GRK7: variants seen among roughly 807,000 people sequenced by gnomAD.
The protein encoded by GRK7 is rhodopsin kinase GRK7.
GRK7 carries 24 observed loss-of-function variants against 34.1 expected under a neutral mutation model. The observed-to-expected ratio is 0.70, with a 90% CI of 0.51 to 0.99. The LOEUF (loss-of-function observed/expected upper bound fraction) is 0.99, where lower values mean the gene tolerates loss of function less well. Among genes scored for constraint, GRK7 ranks in the 50% least tolerant of loss-of-function variants. The pLI is 0.00. For missense variants in GRK7, 644 were observed against 707.3 expected, an observed-to-expected ratio of 0.91 and a Z score of 1.02; for synonymous variants, 256 against 279.4, an observed-to-expected ratio of 0.92 and a Z score of 0.84.
chr3:141,775,643 A>C (rs1456449538), intron 2 of GRK7, among the ~76,000 whole-genome samples: 1 of 152,148 alleles, frequency 6.6e-6, no homozygotes, highest in Non-Finnish European at 1.5e-5. Context: ...TGTAATGTAC[A>C]AACCAGATTC....
At chr3:141,799,423 G>T (rs900489012) in intron 4 of GRK7, among the ~76,000 whole-genome samples, 1 of 152,100 alleles carries the variant, frequency 6.6e-6, no homozygotes, top group African/African-American at 2.4e-5. Flanking sequence ...GACCAGCCTA[G>T]CTAACATGGT....
chr3:141,782,867 G>A (rs1419995134), intron 4 of GRK7, among the ~76,000 whole-genome samples: 2 of 152,000 alleles, frequency 1.3e-5, no homozygotes, highest in Non-Finnish European at 2.9e-5. Flanking sequence ...CATAGGAGCT[G>A]TATCAGTTAG....
intron 1 of GRK7, among the ~76,000 whole-genome samples, chr3:141,769,064 A>C (rs965571995): frequency 5.9e-5 from 9 of 151,798 alleles, no homozygotes; most frequent in African/African-American, 2.2e-4. Context: ...ATGACTCCCA[A>C]ACATGCCTTT....
intron 4 of GRK7, among the ~76,000 whole-genome samples, chr3:141,801,184 G>C (rs1026964524): frequency 6.6e-6 from 1 of 151,992 alleles, no homozygotes; most frequent in African/African-American, 2.4e-5. Context: ...GGTGGCAGGT[G>C]CCTGTAGTCC....
the GRK7 span, among the ~76,000 whole-genome samples, chr3:141,750,247 C>A: frequency 6.6e-6 from 1 of 152,132 alleles, no homozygotes; most frequent in African/African-American, 2.4e-5. Context: ...TCAACCTGCT[C>A]CTTCATCTTA....
intron 3 of GRK7, among the ~76,000 whole-genome samples, chr3:141,780,133 G>A (rs576686977): frequency 1.6e-4 from 24 of 152,288 alleles, no homozygotes; most frequent in African/African-American, 5.8e-4. Flanking sequence ...TAAAGGTTTC[G>A]ATTTCTCCAC....
intron 4 of GRK7, among the ~76,000 whole-genome samples, chr3:141,798,466 C>T (rs1318455567): frequency 1.3e-5 from 2 of 152,180 alleles, no homozygotes; most frequent in African/African-American, 4.8e-5. Flanking sequence ...CACACACACA[C>T]ACCCACACAC....
intron 1 of GRK7, among the ~76,000 whole-genome samples, chr3:141,768,379 G>A (rs1437487411): frequency 6.6e-6 from 1 of 151,462 alleles, no homozygotes; most frequent in African/African-American, 2.4e-5. Context: ...CCGGGTTCCA[G>A]TGATTCTCCA....
chr3:141,786,756 T>C lies in GRK7; in HGVS notation c.1050+5945T>C, dbSNP rs558997833. On this transcript the variant is annotated intron_variant, in intron 4 of 5. Coordinates refer to ENST00000682958, the MANE Select transcript of GRK7 (RefSeq NM_139209.3). ...TCACGCCACTGCACTCCAGCCAGGG[T>C]GACAGAGTAAGACTCTCGGAAAAAA... is the stretch of plus-strand genomic sequence containing the variant. 1.0e-4 allele frequency among the ~76,000 whole-genome samples: 15 copies of C among 149,724 alleles called. 1 individual carries two copies. The highest frequency in any genetic ancestry group is 3.7e-4 in the African/African-American group (15 of 40,550).
intron 4 of GRK7, among the ~76,000 whole-genome samples, chr3:141,799,236 AAAG>A (rs1196579917): frequency 6.6e-6 from 1 of 152,206 alleles, no homozygotes; most frequent in Non-Finnish European, 1.5e-5. Flanking sequence ...ACAAGGGAGA[AAAG>A]AAATCCTGAA....
At chr3:141,806,908 T>A (rs79642213) in intron 4 of GRK7, among the ~76,000 whole-genome samples, 2,749 of 151,886 alleles carry the variant, frequency 0.018, 81 homozygotes, top group African/African-American at 0.063. Context: ...CAAGTATATA[T>A]AAATAGATAT....
At chr3:141,776,312 A>T (rs956810367) in intron 2 of GRK7, among the ~76,000 whole-genome samples, 10 of 151,752 alleles carry the variant, frequency 6.6e-5, no homozygotes, top group African/African-American at 2.2e-4. Context: ...AAAAATAAAA[A>T]ATATATATAA....
At chr3:141,756,992 T>C in the GRK7 span, among the ~76,000 whole-genome samples, 1 of 152,144 alleles carries the variant, frequency 6.6e-6, no homozygotes, top group Non-Finnish European at 1.5e-5. Context: ...ATCTCTCTTC[T>C]AGAATATTTT....
chr3:141,805,199 CCTGT>C (rs1711018375), intron 4 of GRK7, among the ~76,000 whole-genome samples: 1 of 152,184 alleles, frequency 6.6e-6, no homozygotes, highest in Non-Finnish European at 1.5e-5. Flanking sequence ...AACCTTCTGA[CCTGT>C]CTGTCTCTAC....
At chr3:141,769,682 C>G (rs1395009587) in intron 1 of GRK7, among the ~76,000 whole-genome samples, 1 of 152,188 alleles carries the variant, frequency 6.6e-6, no homozygotes, top group Admixed American at 6.5e-5. Context: ...CTCCCTTGCC[C>G]TCTGGCTTCT....
chr3:141,753,043 A>G, the GRK7 span, among the ~76,000 whole-genome samples: 3 of 152,196 alleles, frequency 2.0e-5, no homozygotes, highest in African/African-American at 7.2e-5. Context: ...AGTCTATGGC[A>G]TTTTGTTTGG....
chr3:141,778,763 A>ACGCTGGCCAAGGCTGAGGCCATG lies in GRK7; in HGVS notation c.479_480insCGCTGGCCAAGGCTGAGGCCATG (p.Glu160AspfsTer6). 2 of 1,608,678 alleles carry ACGCTGGCCAAGGCTGAGGCCATG rather than the reference A, an allele frequency of 1.2e-6. No individual in the cohort carries two copies. Among genetic ancestry groups the ACGCTGGCCAAGGCTGAGGCCATG allele is most frequent in the Admixed American group, 3.4e-5 (2 of 59,106 alleles). On this transcript the variant is annotated stop_gained and frameshift_variant, in exon 3 of 6. Transcript: ENST00000682958. LOFTEE classifies it high-confidence loss of function. This position sits in a 1 kb window ranked among gnomAD's most constrained non-coding sequence, Gnocchi z 4.1. ...GCTGAGGCCATGGCTTTCTTGCAAG[A>ACGCTGGCCAAGGCTGAGGCCATG]GCAGCCCTTTAAGGATTTCGTGACC...
chr3:141,811,952 T>C (rs1222758842), intron 5 of GRK7, among the ~76,000 whole-genome samples: 1 of 152,130 alleles, frequency 6.6e-6, no homozygotes, highest in African/African-American at 2.4e-5. Context: ...AACTACAGGG[T>C]CTTCCAATAA....
chr3:141,755,346 A>C, the GRK7 span, among the ~76,000 whole-genome samples: 1 of 152,178 alleles, frequency 6.6e-6, no homozygotes. Context: ...CCACCTCTAA[A>C]AATGAATGAA....
Sources: gnomAD v4.1 joint callset for allele counts (sites outside exome capture counted in the v4.1 genomes callset) on GRCh38, gnomAD v4.1.1 for gene constraint, Gnocchi (gnomAD v3.1) non-coding constraint, MANE v1.5 for transcripts, NCBI Gene and HGNC (gene_info 2026-07-23, HGNC 2026-07-21) for gene names.